The following STX17 variants were observed in gnomAD, a reference collection of about 807,000 sequenced individuals.
STX17 encodes the protein syntaxin-17.
STX17 carries 29 observed loss-of-function variants against 35.9 expected under a neutral mutation model. The ratio of observed to expected loss-of-function variants is 0.81; its 90% CI spans 0.60 to 1.10. The LOEUF (loss-of-function observed/expected upper bound fraction) is 1.10. Ranked by LOEUF, STX17 falls within the 50% of genes least tolerant of loss-of-function variation. The pLI is 0.00. For missense variants in STX17, 312 were observed against 352.3 expected, an observed-to-expected ratio of 0.89 and a Z score of 0.92; for synonymous variants, 92 against 118.3, an observed-to-expected ratio of 0.78 and a Z score of 1.44.
At chr9:99,940,957 A>G (rs1236935280) in intron 3 of STX17, among the ~76,000 whole-genome samples, 1 of 152,204 alleles carries the variant, frequency 6.6e-6, no homozygotes, top group Non-Finnish European at 1.5e-5. Flanking sequence ...AGATGGCATC[A>G]TGGTTTCTCT....
In STX17 at chr9:99,972,496, C is replaced by T. The variant is rs1372919288; in HGVS notation, c.*3823C>T. Among the ~76,000 whole-genome samples the T allele has an allele frequency of 1.3e-5, 2 of 152,016 alleles. No individual in the cohort carries two copies. The highest frequency in any genetic ancestry group is 2.9e-5 in the Non-Finnish European group (2 of 68,014). On this transcript the variant is annotated 3_prime_UTR_variant, in exon 8 of 8. Coordinates refer to ENST00000259400, the MANE Select transcript of STX17 (RefSeq NM_017919.3). The stretch of plus-strand genomic sequence containing the variant: ...TATGATGGTGCTGTGTAGAACTGAC[C>T]AGAGTTCCTGGAGGATTTTGAGGTT...
At chr9:99,916,865 G>A (rs1828786572) in intron 2 of STX17, among the ~76,000 whole-genome samples, 1 of 152,090 alleles carries the variant, frequency 6.6e-6, no homozygotes, top group African/African-American at 2.4e-5. Flanking sequence ...TTGAGGTTTG[G>A]CATGTCTGTC....
intron 2 of STX17, among the ~76,000 whole-genome samples, chr9:99,920,547 C>A (rs1044578921): frequency 1.3e-5 from 2 of 152,100 alleles, no homozygotes; most frequent in African/African-American, 2.4e-5. Context: ...ATTATTAAAG[C>A]CATTTTTAAC....
At chr9:99,921,093 C>G (rs117044656) in intron 2 of STX17, among the ~76,000 whole-genome samples, 1 of 152,064 alleles carries the variant, frequency 6.6e-6, no homozygotes, top group Non-Finnish European at 1.5e-5. Flanking sequence ...TTACTGCCTT[C>G]GCTTTTTAGG....
chr9:99,924,496 C>A (rs1828951377), intron 2 of STX17, among the ~76,000 whole-genome samples: 1 of 151,898 alleles, frequency 6.6e-6, no homozygotes, highest in Non-Finnish European at 1.5e-5. Flanking sequence ...GAGATATATT[C>A]TTTGTGTTGT....
chr9:99,939,410 A>G (rs1829304161), intron 3 of STX17, among the ~76,000 whole-genome samples: 1 of 152,214 alleles, frequency 6.6e-6, no homozygotes, highest in African/African-American at 2.4e-5. Context: ...CATAGGTTCT[A>G]CAGAATCTCA....
Position 99,951,289 on chromosome 9 carries a change from A to G in STX17, c.415+4A>G. On this transcript the variant is annotated splice_donor_region_variant and intron_variant, in intron 4 of 7. Transcript: ENST00000259400. Reference sequence around the variant, plus strand: ...ACCAGATCCATGACTGTTGGTGGTAATGTATTGTGCTAAGTCTTATTCTCA... The same window carrying G: ...ACCAGATCCATGACTGTTGGTGGTAGTGTATTGTGCTAAGTCTTATTCTCA... 6.2e-7 allele frequency: 1 copy of G among 1,611,948 alleles called. No homozygotes were observed. The highest frequency in any genetic ancestry group is 8.5e-7 in the Non-Finnish European group (1 of 1,178,416).
At chr9:99,939,172 TGAG>T (rs1829301104) in intron 3 of STX17, among the ~76,000 whole-genome samples, 1 of 151,476 alleles carries the variant, frequency 6.6e-6, no homozygotes, top group African/African-American at 2.4e-5. Flanking sequence ...AGAGAGGGAA[TGAG>T]GAGGAGAGTG....
At chr9:99,914,334 G>C (rs982275213) in intron 1 of STX17, among the ~76,000 whole-genome samples, 1 of 152,272 alleles carries the variant, frequency 6.6e-6, no homozygotes, top group East Asian at 1.9e-4. Context: ...ATTTATATAA[G>C]CTCTGATAAG....
intron 1 of STX17, among the ~76,000 whole-genome samples, chr9:99,911,661 G>T (rs1205474042): frequency 6.6e-6 from 1 of 151,998 alleles, no homozygotes; most frequent in East Asian, 1.9e-4. Context: ...ACTGTTTCTT[G>T]CAGGCTCACA....
chr9:99,949,961 A>ACACACG (rs1323336158), intron 3 of STX17, among the ~76,000 whole-genome samples: 12 of 151,536 alleles, frequency 7.9e-5, no homozygotes, highest in Non-Finnish European at 1.3e-4. Flanking sequence ...ACACACACAC[A>ACACACG]CACACTCCTA....
At chr9:99,934,688 A>G (rs1390701182) in intron 3 of STX17, among the ~76,000 whole-genome samples, 1 of 152,232 alleles carries the variant, frequency 6.6e-6, no homozygotes, top group African/African-American at 2.4e-5. Flanking sequence ...TAAAGAAATC[A>G]GATTAATTAT....
In STX17 at chr9:99,961,991, A is replaced by G. The variant is rs558024431; in HGVS notation, c.582+1836A>G. ...GGCCTCTAAAGCTACGTACTGAACA[A>G]ATTTTGCCTTCTTTCCATATGAAAG... is the stretch of plus-strand genomic sequence containing the variant. On this transcript the variant is annotated intron_variant, in intron 6 of 7. Transcript: ENST00000259400. Among the ~76,000 whole-genome samples the G allele has an allele frequency of 1.1e-4, 16 of 152,208 alleles. No individual in the cohort carries two copies. In the East Asian group the frequency reaches 3.1e-3, roughly 29 times the overall value.
chr9:99,935,113 G>T (rs1053108045), intron 3 of STX17, among the ~76,000 whole-genome samples: 1 of 151,904 alleles, frequency 6.6e-6, no homozygotes. Context: ...GGCAGATCAC[G>T]AGGTCAGGAG....
chr9:99,971,723 A>G lies in STX17; in HGVS notation c.*3050A>G, dbSNP rs1419417479. On this transcript the variant is annotated 3_prime_UTR_variant, in exon 8 of 8. Transcript: ENST00000259400. ...GTCTCTCAGACTATACAGCCTCTAT[A>G]CAAAATTGAGATGGGGGTTGGGGGC... is the stretch of plus-strand genomic sequence containing the variant. Among the ~76,000 whole-genome samples, 1 of 152,188 alleles carries G rather than the reference A, an allele frequency of 6.6e-6. No homozygotes were observed. Among genetic ancestry groups the G allele is most frequent in the African/African-American group, 2.4e-5 (1 of 41,452 alleles).
rs746954614 is a variant in STX17, at chr9:99,968,670, T to C, written c.906T>C (p.Ser302=). Reference sequence around the variant, plus strand: ...CCAGCCAAACTGACAAGAAATGCAGTTAAAAACCAAATTTCAGTATTATTG... The same window carrying C: ...CCAGCCAAACTGACAAGAAATGCAGCTAAAAACCAAATTTCAGTATTATTG... ...DLPSQTDKKC[S] Residue 302 remains serine (S), a synonymous_variant, in exon 8 of 8, where the codon AGT becomes AGC. Coordinates refer to ENST00000259400, the MANE Select transcript of STX17 (RefSeq NM_017919.3). 6.2e-7 allele frequency: 1 copy of C among 1,612,858 alleles called. No homozygotes were observed. Among genetic ancestry groups the C allele is most frequent in the Non-Finnish European group, 8.5e-7 (1 of 1,179,388 alleles).
At chr9:99,924,963 G>T (rs1828959672) in intron 2 of STX17, among the ~76,000 whole-genome samples, 1 of 152,146 alleles carries the variant, frequency 6.6e-6, no homozygotes, top group Non-Finnish European at 1.5e-5. Flanking sequence ...TTAGTTTGCT[G>T]AGAGTTTTTA....
intron 2 of STX17, 95 bp downstream of exon 2, chr9:99,915,457 G>A: frequency 1.4e-6 from 2 of 1,434,904 alleles, no homozygotes; most frequent in Non-Finnish European, 1.8e-6. Flanking sequence ...TAGATAAGAG[G>A]CATTGCTGAA....
chr9:99,973,883 C>T lies in STX17; in HGVS notation c.*5210C>T, dbSNP rs185595024. The stretch of plus-strand genomic sequence containing the variant: ...GCTTTATCTCTTGAAACTCACTACT[C>T]ACCATCTGACAATGCCACTAAAAAT... On this transcript the variant is annotated 3_prime_UTR_variant, in exon 8 of 8. Coordinates refer to ENST00000259400, the MANE Select transcript of STX17 (RefSeq NM_017919.3). Among the ~76,000 whole-genome samples, 332 of 152,298 alleles carry T rather than the reference C, an allele frequency of 2.2e-3. 3 individuals are homozygous for T. The highest frequency in any genetic ancestry group is 3.7e-3 in the Non-Finnish European group (251 of 68,026).
Sources: gnomAD v4.1 joint callset for allele counts (sites outside exome capture counted in the v4.1 genomes callset) on GRCh38, gnomAD v4.1.1 for gene constraint, MANE v1.5 for transcripts, NCBI Gene and HGNC (gene_info 2026-07-23, HGNC 2026-07-21) for gene names.